The following EFCC1 variants were observed in gnomAD, a reference collection of about 807,000 sequenced individuals.
EFCC1 encodes EF-hand and coiled-coil domain containing 1, also known as EF-hand and coiled-coil domain-containing protein 1.
EFCC1 carries 50 observed loss-of-function variants against 52.1 expected under a neutral mutation model. The ratio of observed to expected loss-of-function variants is 0.96; its 90% CI spans 0.76 to 1.21. EFCC1 has a LOEUF of 1.21. Ranked by LOEUF, EFCC1 falls within the 50% of genes most tolerant of loss-of-function variation. The probability of loss-of-function intolerance (pLI) is 0.00; values close to 1 mark genes in which losing one functional copy is unlikely to be tolerated. For missense variants in EFCC1, 837 were observed against 867.3 expected, an observed-to-expected ratio of 0.97 and a Z score of 0.44; for synonymous variants, 399 against 396.5, an observed-to-expected ratio of 1.01 and a Z score of -0.08.
chr3:129,012,939 G>A (rs939806441), intron 2 of EFCC1, among the ~76,000 whole-genome samples: 4 of 152,296 alleles, frequency 2.6e-5, no homozygotes, highest in Admixed American at 1.3e-4. Flanking sequence ...CGCATGGATG[G>A]TTTTCTTTAT....
At chr3:129,022,612 G>A (rs2107917045) in intron 2 of EFCC1, among the ~76,000 whole-genome samples, 1 of 152,314 alleles carries the variant, frequency 6.6e-6, no homozygotes, top group Admixed American at 6.5e-5. Flanking sequence ...CAGCTGGAGG[G>A]AACACCCAAC....
chr3:129,029,868 T>C (rs1946233838), intron 2 of EFCC1, among the ~76,000 whole-genome samples: 1 of 150,960 alleles, frequency 6.6e-6, no homozygotes, highest in African/African-American at 2.4e-5. Flanking sequence ...TACAGGATTC[T>C]GTCTCTATTT....
At chr3:129,022,970 A>G (rs1214035742) in intron 2 of EFCC1, among the ~76,000 whole-genome samples, 1 of 152,246 alleles carries the variant, frequency 6.6e-6, no homozygotes, top group Non-Finnish European at 1.5e-5. Context: ...CACAGTTGCT[A>G]GCCTCTCTTG....
intron 5 of EFCC1, among the ~76,000 whole-genome samples, chr3:129,036,482 A>C (rs1431275040): frequency 2.0e-5 from 3 of 152,264 alleles, no homozygotes; most frequent in Non-Finnish European, 4.4e-5. Context: ...CCCCCTGGCC[A>C]AGAGTGGGCC....
chr3:129,031,126 C>T (rs1235630028), intron 3 of EFCC1, among the ~76,000 whole-genome samples: 1 of 152,184 alleles, frequency 6.6e-6, no homozygotes, highest in Non-Finnish European at 1.5e-5. Context: ...TGGCCAGGGT[C>T]ACCTTTAAAA....
intron 2 of EFCC1, among the ~76,000 whole-genome samples, chr3:129,017,871 C>T (rs914290292): frequency 9.9e-5 from 15 of 152,208 alleles, no homozygotes; most frequent in Non-Finnish European, 2.1e-4. Flanking sequence ...TGCCCACCCC[C>T]GTGAGGCAGA....
chr3:129,002,029 G>C lies in EFCC1; in HGVS notation c.401G>C (p.Arg134Pro). Residue 134 changes from arginine (R) to proline (P), a missense_variant, in exon 1 of 8, where the codon CGC becomes CCC. Arg to Pro is a moderately radical substitution (Grantham distance 103). Transcript: ENST00000683648. Reference protein sequence around the residue: ...DTDEEARLALRAEPPELTFRQ... With the variant: ...DTDEEARLALPAEPPELTFRQ... ...GATGAAGAGGCGCGCCTGGCGCTGC[G>C]CGCCGAGCCGCCGGAGCTCACCTTC... 2.6e-6 allele frequency: 4 copies of C among 1,544,200 alleles called. No homozygotes were observed. The highest frequency in any genetic ancestry group is 1.7e-4 in the Middle Eastern group (1 of 5,834).
intron 1 of EFCC1, 61 bp from the exon 2 acceptor site, chr3:129,003,733 G>T: frequency 7.8e-7 from 1 of 1,288,324 alleles, no homozygotes; most frequent in Non-Finnish European, 9.9e-7. Context: ...CGTGGCGGGC[G>T]TTCGTCTGGT....
At chr3:129,033,270 C>T (rs148476955) in intron 4 of EFCC1, among the ~76,000 whole-genome samples, 69 of 152,284 alleles carry the variant, frequency 4.5e-4, no homozygotes, top group Non-Finnish European at 7.8e-4. Flanking sequence ...GACCCTTTCC[C>T]AACCCATCAC....
rs1944753951 is a variant in EFCC1 at position 129,001,618 on chromosome 3, GCGGCGCAGCGATGGAGCCGGTCAGCA to G, written c.-7_19del. ...AGGAGGGACCGGAGGAGCGAGGCGC[GCGGCGCAGCGATGGAGCCGGTCAGCA>G]CGGGCGCGGAGGCCGGCATGGAGGG... is the stretch of plus-strand genomic sequence containing the variant. On this transcript the variant is annotated start_lost and 5_prime_UTR_variant, in exon 1 of 8. Transcript: ENST00000683648. 1 of 1,351,220 alleles carries G rather than the reference GCGGCGCAGCGATGGAGCCGGTCAGCA, an allele frequency of 7.4e-7. No homozygotes were observed. Among genetic ancestry groups the G allele is most frequent in the East Asian group, 3.0e-5 (1 of 32,914 alleles). 83.7% of individuals were successfully genotyped at this position (1,351,220 alleles called of 1,614,324 possible).
rs1343923110 is a variant in EFCC1, at chr3:129,001,881, G to A, written c.253G>A (p.Val85Met). The A allele has an allele frequency of 1.3e-6, 2 of 1,541,944 alleles. No individual in the cohort carries two copies. The highest frequency in any genetic ancestry group is 1.7e-6 in the Non-Finnish European group (2 of 1,143,028). The change falls in exon 1 of 8, where the codon GTG (valine) becomes ATG (methionine). Residue 85 changes from valine to methionine, a missense_variant. Transcript: ENST00000683648. The stretch of plus-strand genomic sequence containing the variant: ...CGCCGACTTCCGAGCGCTCTGCGCT[G>A]TGCTGGGGCTGCGCGCGGAGGGGGC... Reference protein sequence around the residue: ...PRADFRALCAVLGLRAEGATT... With the variant: ...PRADFRALCAMLGLRAEGATT...
chr3:129,032,951 C>T lies in EFCC1; in HGVS notation c.1271C>T (p.Ser424Phe). The change falls in exon 4 of 8, where the codon TCC becomes TTC. Residue 424 changes from serine (S) to phenylalanine (F), a missense_variant. By Grantham distance (155) the Ser-to-Phe change is radical. Coordinates refer to ENST00000683648, the MANE Select transcript of EFCC1 (RefSeq NM_001377500.1). ...GCCAAGACACTGCTGGCCCGGCTCT[C>T]CAGCTGCAGAGGCAGGTGTGTGGCC... ...AEAKTLLARLSSCRGRCDDQT... is the reference protein window; with the variant it reads ...AEAKTLLARLFSCRGRCDDQT... 6.5e-7 allele frequency: 1 copy of T among 1,544,478 alleles called. No individual in the cohort carries two copies. The highest frequency in any genetic ancestry group is 1.2e-5 in the South Asian group (1 of 83,272).
At chr3:129,024,561 A>C (rs1417372168) in intron 2 of EFCC1, among the ~76,000 whole-genome samples, 1 of 152,088 alleles carries the variant, frequency 6.6e-6, no homozygotes, top group African/African-American at 2.4e-5. Context: ...AGAAAAAGAA[A>C]AACAGAAATT....
intron 2 of EFCC1, among the ~76,000 whole-genome samples, chr3:129,008,270 C>T: frequency 6.6e-6 from 1 of 152,220 alleles, no homozygotes; most frequent in East Asian, 1.9e-4. Flanking sequence ...TGGCCCCTGG[C>T]CTCATGCAGG....
intron 7 of EFCC1, 24 bp from the exon 8 acceptor site, chr3:129,039,685 CCCT>C: frequency 6.4e-7 from 1 of 1,570,582 alleles, no homozygotes; most frequent in Non-Finnish European, 8.7e-7. Context: ...ACTGATCCTG[CCCT>C]CCCTGCCTGC....
In EFCC1 at chr3:129,014,481, T is replaced by C. The variant is rs1945481482; in HGVS notation, c.980+10404T>C. On this transcript the variant is annotated intron_variant, in intron 2 of 7. Coordinates refer to ENST00000683648, the MANE Select transcript of EFCC1 (RefSeq NM_001377500.1). This position sits in a 1 kb window ranked among gnomAD's most constrained non-coding sequence, Gnocchi z 4.3. ...GCGTGGTCTTCCTTCTGTGTGTATT[T>C]CTGTCCTAATCCCCTCTTCTTAGAA... Among the ~76,000 whole-genome samples, 1 of 152,256 alleles carries C rather than the reference T, an allele frequency of 6.6e-6. No homozygotes were observed. Among genetic ancestry groups the C allele is most frequent in the African/African-American group, 2.4e-5 (1 of 41,478 alleles).
rs906294198 is a variant in EFCC1, at chr3:129,010,976, G to T, written c.980+6899G>T. 1.3e-5 allele frequency among the ~76,000 whole-genome samples: 2 copies of T among 152,168 alleles called. No individual in the cohort carries two copies. Among genetic ancestry groups the T allele is most frequent in the East Asian group, 3.9e-4 (2 of 5,190 alleles). ...TTCAACATGTGTGGTAGGAGCTAGA[G>T]CTGTTCCCTTCACTTCTGTGAGTCT... is the stretch of plus-strand genomic sequence containing the variant. On this transcript the variant is annotated intron_variant, in intron 2 of 7. Transcript: ENST00000683648. The surrounding 1 kb of genome is among the most constrained non-coding windows in gnomAD (Gnocchi z 4.3).
rs773324903 is a variant in EFCC1 at position 129,034,317 on chromosome 3, C to T, written c.1440C>T (p.Thr480=). Reference sequence around the variant, plus strand: ...GCTGCGGTGGGAGGACCCTGGGGACCTCTGAGGAGGAGGTCAGCAGAGCCT... The same window carrying T: ...GCTGCGGTGGGAGGACCCTGGGGACTTCTGAGGAGGAGGTCAGCAGAGCCT... ...TQGCGGRTLG[T]SEEEAELQQK... Residue 480 remains threonine, a synonymous_variant, in exon 5 of 8, where the codon ACC becomes ACT. Coordinates refer to ENST00000683648, the MANE Select transcript of EFCC1 (RefSeq NM_001377500.1). The T allele has an allele frequency of 3.1e-6, 5 of 1,613,808 alleles. No homozygotes were observed.
chr3:129,008,832 A>C (rs1399309142), intron 2 of EFCC1, among the ~76,000 whole-genome samples: 3 of 152,128 alleles, frequency 2.0e-5, no homozygotes, highest in Admixed American at 6.5e-5. Context: ...TCCTCCTAAG[A>C]GGCTCCTGGT....
Sources: gnomAD v4.1 joint callset for allele counts (sites outside exome capture counted in the v4.1 genomes callset) on GRCh38, gnomAD v4.1.1 for gene constraint, Gnocchi (gnomAD v3.1) non-coding constraint, MANE v1.5 for transcripts, NCBI Gene and HGNC (gene_info 2026-07-23, HGNC 2026-07-21) for gene names.